CHRNA7: variants seen among roughly 807,000 people sequenced by gnomAD.
CHRNA7 encodes cholinergic receptor nicotinic alpha 7 subunit, also known as neuronal acetylcholine receptor subunit alpha-7.
In CHRNA7, 17 loss-of-function variants were observed where a neutral mutation model predicts 48.0. The ratio of observed to expected loss-of-function variants is 0.35; its 90% CI spans 0.24 to 0.53. The LOEUF is 0.53. Among genes scored for constraint, CHRNA7 ranks in the 20% least tolerant of loss-of-function variants. The pLI, the probability that CHRNA7 is intolerant of heterozygous loss-of-function variation, is 0.92. For synonymous variants in CHRNA7, 75 were observed against 242.3 expected, an observed-to-expected ratio of 0.31 and a Z score of 6.41; for missense variants, 155 against 577.7, an observed-to-expected ratio of 0.27 and a Z score of 7.50.
intron 4 of CHRNA7, among the ~76,000 whole-genome samples, chr15:32,134,228 G>A (rs1040705524): frequency 1.3e-5 from 2 of 151,594 alleles, no homozygotes; most frequent in African/African-American, 4.9e-5. Context: ...GCGGGATCTC[G>A]GCTCACTGCA....
chr15:32,153,238 G>GT (rs2051669170), intron 4 of CHRNA7: 1 of 152,254 alleles, frequency 6.6e-6, no homozygotes, highest in Non-Finnish European at 1.5e-5. Context: ...GGCTAACATA[G>GT]TGAAACCCCC....
At chr15:32,103,385 G>A (rs2050605526) in intron 3 of CHRNA7, 1 of 148,548 alleles carries the variant, frequency 6.7e-6, no homozygotes, top group South Asian at 2.2e-4. Flanking sequence ...ACTACAGCCT[G>A]GGGAACAGAG....
rs72713552 is a variant in CHRNA7 at position 32,056,048 on chromosome 15, A to G, written c.195+25011A>G. Among the ~76,000 whole-genome samples the G allele has an allele frequency of 6.0e-3, 904 of 151,742 alleles. 2 individuals carry two copies. The highest frequency in any genetic ancestry group is 0.011 in the Admixed American group (163 of 15,246). ...GCAGGTATCTTAGACTCTTTGGCTT[A>G]TTGTTTTACTTTTTGACATTCTTTC... On this transcript the variant is annotated intron_variant, in intron 2 of 9. Transcript: ENST00000306901.
At chr15:32,055,297 A>G (rs1214420966) in intron 2 of CHRNA7, among the ~76,000 whole-genome samples, 2 of 151,596 alleles carry the variant, frequency 1.3e-5, no homozygotes, top group East Asian at 3.9e-4. Flanking sequence ...TCTGTATTAC[A>G]GATATAAACC....
chr15:32,126,476 C>G (rs1185338390), intron 4 of CHRNA7, among the ~76,000 whole-genome samples: 2 of 152,156 alleles, frequency 1.3e-5, no homozygotes, highest in Non-Finnish European at 2.9e-5. Flanking sequence ...AAGAAAGAAG[C>G]CTTCGTATTT....
At chr15:32,114,039 T>TGTATATATATATATAC (rs55742631) in intron 4 of CHRNA7, among the ~76,000 whole-genome samples, 5 of 72,966 alleles carry the variant, frequency 6.9e-5, no homozygotes, top group African/African-American at 2.7e-4. Context: ...TATATATATA[T>TGTATATATATATATAC]ATATGTATAT....
chr15:32,111,322 A>G (rs115451394), intron 3 of CHRNA7: 2,068 of 152,808 alleles, frequency 0.014, 48 homozygotes, highest in African/African-American at 0.048. Context: ...TTCCTTTAGA[A>G]ATTCTGAGAG....
intron 2 of CHRNA7, among the ~76,000 whole-genome samples, chr15:32,093,276 T>C (rs990108178): frequency 1.3e-5 from 2 of 152,196 alleles, no homozygotes; most frequent in African/African-American, 2.4e-5. Flanking sequence ...TCTGCTCTCA[T>C]GATCCACCTT....
At chr15:32,104,810 G>C (rs1037020141) in intron 3 of CHRNA7, among the ~76,000 whole-genome samples, 2 of 152,172 alleles carry the variant, frequency 1.3e-5, no homozygotes, top group Admixed American at 1.3e-4. Context: ...TGAGGCAAGT[G>C]CTTCCCTTTT....
At chr15:32,086,107 C>G (rs187572992) in intron 2 of CHRNA7, among the ~76,000 whole-genome samples, 4,218 of 152,154 alleles carry the variant, frequency 0.028, 91 homozygotes, top group Non-Finnish European at 0.045. Flanking sequence ...CGGTGGCTCA[C>G]GCCTGTAATC....
intron 2 of CHRNA7, among the ~76,000 whole-genome samples, chr15:32,055,729 C>T (rs190614583): frequency 1.3e-5 from 2 of 152,290 alleles, no homozygotes; most frequent in Admixed American, 6.5e-5. Flanking sequence ...CCTGTAATCC[C>T]AGCACTTTGG....
intron 2 of CHRNA7, among the ~76,000 whole-genome samples, chr15:32,069,365 G>T (rs1009573313): frequency 2.6e-5 from 4 of 152,196 alleles, no homozygotes; most frequent in African/African-American, 9.6e-5. Flanking sequence ...AGCCACTGAG[G>T]CTGGGCCTGA....
chr15:32,039,689 T>G (rs1171172601), intron 2 of CHRNA7, among the ~76,000 whole-genome samples: 1 of 152,134 alleles, frequency 6.6e-6, no homozygotes, highest in East Asian at 1.9e-4. Context: ...ATGGGGAATA[T>G]TCCATGTGAA....
chr15:32,088,260 C>G lies in CHRNA7; in HGVS notation c.196-13043C>G, dbSNP rs376469776. On this transcript the variant is annotated intron_variant, in intron 2 of 9. Coordinates refer to ENST00000306901, the MANE Select transcript of CHRNA7 (RefSeq NM_000746.6). ...TAAGAATCACCTATATCTTTCATGG[C>G]TTGATAGCTCATTTCATTTTATACT... Among the ~76,000 whole-genome samples the G allele has an allele frequency of 6.2e-4, 94 of 152,268 alleles. No homozygotes were observed. In the South Asian group the frequency reaches 0.019, roughly 30 times the overall value.
intron 2 of CHRNA7, among the ~76,000 whole-genome samples, chr15:32,067,391 A>G (rs1465758116): frequency 3.3e-5 from 5 of 152,240 alleles, no homozygotes; most frequent in African/African-American, 1.2e-4. Context: ...GTGCTGGAAG[A>G]AAAGACTTTA....
At chr15:32,136,799 G>A (rs10459633) in intron 4 of CHRNA7, among the ~76,000 whole-genome samples, 85,197 of 150,992 alleles carry the variant, frequency 0.56, 24,603 homozygotes, top group East Asian at 0.69. Flanking sequence ...TGGGAGGCCG[G>A]GGCGGGCGGA....
rs547444305 is a variant in CHRNA7 at position 32,069,981 on chromosome 15, A to T, written c.196-31322A>T. Among the ~76,000 whole-genome samples the T allele has an allele frequency of 6.2e-4, 95 of 152,278 alleles. No homozygotes were observed. The South Asian group carries it at 0.019, about 30-fold the overall frequency. ...TTTTTATCTGATTTTCCCCCCGCCC[A>T]CTAGATTTATCTCAATTGATGAAGC... On this transcript the variant is annotated intron_variant, in intron 2 of 9. Coordinates refer to ENST00000306901, the MANE Select transcript of CHRNA7 (RefSeq NM_000746.6).
chr15:32,089,675 C>G (rs549163345), intron 2 of CHRNA7, among the ~76,000 whole-genome samples: 1 of 152,246 alleles, frequency 6.6e-6, no homozygotes, highest in East Asian at 1.9e-4. Flanking sequence ...ATAATTTCAA[C>G]ATTTGTATCA....
intron 2 of CHRNA7, among the ~76,000 whole-genome samples, chr15:32,034,783 A>G (rs1267449477): frequency 2.0e-5 from 3 of 152,234 alleles, no homozygotes; most frequent in African/African-American, 4.8e-5. Flanking sequence ...TGAGTCCTCA[A>G]AGGAATTGCT....
Sources: gnomAD v4.1 joint callset for allele counts (sites outside exome capture counted in the v4.1 genomes callset) on GRCh38, gnomAD v4.1.1 for gene constraint, MANE v1.5 for transcripts, NCBI Gene and HGNC (gene_info 2026-07-23, HGNC 2026-07-21) for gene names.